The following WRN variants were observed in gnomAD, a reference collection of about 807,000 sequenced individuals.
WRN encodes the protein bifunctional 3'-5' exonuclease/ATP-dependent helicase WRN.
A neutral mutation model predicts 180.7 loss-of-function variants in WRN; 149 were observed. That is an observed-to-expected ratio of 0.82 (90% confidence interval 0.72 to 0.94). The LOEUF (loss-of-function observed/expected upper bound fraction) is 0.94, where lower values mean the gene tolerates loss of function less well. Ranked by LOEUF, WRN falls within the 40% of genes least tolerant of loss-of-function variation. The pLI is 0.00. For synonymous variants in WRN, 548 were observed against 568.9 expected (o/e 0.96, Z 0.52); for missense variants, 1,661 against 1,700.1 (o/e 0.98, Z 0.40).
intron 1 of WRN, among the ~76,000 whole-genome samples, chr8:31,048,562 A>T (rs186632659): frequency 6.6e-6 from 1 of 152,324 alleles, no homozygotes; most frequent in South Asian, 2.1e-4. Context: ...TAAATTAGTT[A>T]CTAGTATATA....
At chr8:31,091,940 G>A in intron 16 of WRN, 42 bp downstream of exon 16, 2 of 1,582,936 alleles carry the variant, frequency 1.3e-6, no homozygotes, top group Non-Finnish European at 1.7e-6. Flanking sequence ...TGGATTTATG[G>A]GGGTGCATAT....
intron 24 of WRN, among the ~76,000 whole-genome samples, chr8:31,135,964 A>C (rs926677635): frequency 6.6e-6 from 1 of 152,106 alleles, no homozygotes; most frequent in Non-Finnish European, 1.5e-5. Context: ...AGATTTCCAC[A>C]TTCCATGATA....
chr8:31,083,137 A>G, intron 9 of WRN, among the ~76,000 whole-genome samples: 1 of 152,166 alleles, frequency 6.6e-6, no homozygotes, highest in East Asian at 1.9e-4. Context: ...GGAGATTGCC[A>G]AATTATTGAA....
At chr8:31,144,796 C>T (rs1353574684) in intron 28 of WRN, among the ~76,000 whole-genome samples, 3 of 152,074 alleles carry the variant, frequency 2.0e-5, no homozygotes. Flanking sequence ...GGCAAAAGTT[C>T]CTGAAGGAAA....
At chr8:31,146,666 C>G (rs1055587518) in intron 28 of WRN, among the ~76,000 whole-genome samples, 11 of 152,114 alleles carry the variant, frequency 7.2e-5, no homozygotes, top group African/African-American at 2.4e-4. Flanking sequence ...ACATTGTTTC[C>G]CAGTAGGTTA....
At chr8:31,087,553 C>A in intron 11 of WRN, 1 of 485,420 alleles carries the variant, frequency 2.1e-6, no homozygotes, top group East Asian at 3.7e-5. Context: ...ATTAATGAGC[C>A]TTGTTTATGC....
chr8:31,150,518 G>C, intron 31 of WRN, 63 bp downstream of exon 31: 1 of 1,396,954 alleles, frequency 7.2e-7, no homozygotes, highest in Non-Finnish European at 1.0e-6. Context: ...CATTTCAAAA[G>C]TACCCTCCAG....
intron 20 of WRN, 36 bp downstream of exon 20, chr8:31,116,564 A>T (rs541746919): frequency 6.2e-7 from 1 of 1,611,122 alleles, no homozygotes; most frequent in East Asian, 2.2e-5. Context: ...TCCGTTGCTC[A>T]TAGTGGAAGT....
intron 18 of WRN, among the ~76,000 whole-genome samples, chr8:31,110,864 G>A (rs528949517): frequency 6.6e-6 from 1 of 152,192 alleles, no homozygotes; most frequent in South Asian, 2.1e-4. Context: ...TCCTATAATA[G>A]AATAAAAACA....
intron 7 of WRN, among the ~76,000 whole-genome samples, chr8:31,074,577 G>A (rs1191944256): frequency 6.6e-6 from 1 of 152,160 alleles, no homozygotes; most frequent in Non-Finnish European, 1.5e-5. Context: ...TCATTGCTGA[G>A]GGTGCGTTTG....
chr8:31,108,556 A>T (rs1801183092), intron 18 of WRN, among the ~76,000 whole-genome samples: 1 of 152,168 alleles, frequency 6.6e-6, no homozygotes, highest in African/African-American at 2.4e-5. Context: ...CAGAGGAAGC[A>T]GCAGCTTAAT....
chr8:31,080,449 C>CA (rs1402803425), intron 8 of WRN, among the ~76,000 whole-genome samples: 1 of 65,592 alleles, frequency 1.5e-5, no homozygotes, highest in Non-Finnish European at 3.2e-5. Flanking sequence ...GTTTATCAAA[C>CA]ACCTTTTTTT....
chr8:31,119,487 A>G (rs979229115), intron 20 of WRN, among the ~76,000 whole-genome samples: 2 of 151,922 alleles, frequency 1.3e-5, no homozygotes, highest in African/African-American at 4.8e-5. Context: ...TCTCTTTCAC[A>G]TTCTTAACTG....
intron 1 of WRN, among the ~76,000 whole-genome samples, chr8:31,054,362 AT>A (rs1242756721): frequency 6.6e-6 from 1 of 152,152 alleles, no homozygotes. Flanking sequence ...AGACAAATAT[AT>A]TCCAATTAAG....
chr8:31,052,416 CTTGCTCTG>C (rs1307640017), intron 1 of WRN, among the ~76,000 whole-genome samples: 10 of 151,974 alleles, frequency 6.6e-5, no homozygotes, highest in Admixed American at 6.6e-4. Flanking sequence ...TTGAGACAGT[CTTGCTCTG>C]TTGCCCAGGG....
At chr8:31,076,425 C>T (rs2130096399) in intron 8 of WRN, 138 bp downstream of exon 8, 1 of 695,990 alleles carries the variant, frequency 1.4e-6, no homozygotes, top group Non-Finnish European at 2.5e-6. Context: ...CAGACTGATG[C>T]ATAAATTTGA....
chr8:31,168,423 A>G lies in WRN; in HGVS notation c.4191+1193A>G, dbSNP rs560081684. The stretch of plus-strand genomic sequence containing the variant: ...ACATTTGTAGTGAAATATTATTTTA[A>G]CTATATATTGCCATTTTTGCTTTTT... On this transcript the variant is annotated intron_variant, in intron 34 of 34. Transcript: ENST00000298139. Among the ~76,000 whole-genome samples the G allele has an allele frequency of 1.3e-5, 2 of 150,652 alleles. 1 individual carries two copies. The highest frequency in any genetic ancestry group is 4.2e-4 in the South Asian group (2 of 4,792).
chr8:31,111,566 G>C (rs1801315344), intron 18 of WRN, 49 bp from the exon 19 acceptor site: 1 of 1,594,756 alleles, frequency 6.3e-7, no homozygotes, highest in Non-Finnish European at 8.6e-7. Flanking sequence ...GACATGTTGG[G>C]AATGAATGAG....
chr8:31,052,528 C>T (rs936497274), intron 1 of WRN, among the ~76,000 whole-genome samples: 2 of 152,038 alleles, frequency 1.3e-5, no homozygotes, highest in Non-Finnish European at 2.9e-5. Context: ...ACTGGGATTA[C>T]AGGCGTGCAC....
Sources: allele counts gnomAD v4.1 joint callset (sites outside exome capture counted in the v4.1 genomes callset), GRCh38; gene constraint gnomAD v4.1.1; transcripts MANE v1.5; gene names NCBI Gene and HGNC (gene_info 2026-07-23, HGNC 2026-07-21).